SLC25A14: variants seen among roughly 807,000 people sequenced by gnomAD.
SLC25A14 encodes brain mitochondrial carrier protein 1.
Under a neutral mutation model 28.1 loss-of-function variants are expected in SLC25A14, and 8 were observed. That is an observed-to-expected ratio of 0.28 (90% CI 0.17 to 0.51). The LOEUF is 0.51. Ranked by LOEUF, SLC25A14 falls within the 20% of genes least tolerant of loss-of-function variation. The pLI is 0.97. For missense variants in SLC25A14, 135 were observed against 263.8 expected, an observed-to-expected ratio of 0.51 and a Z score of 3.38; for synonymous variants, 74 against 90.6, an observed-to-expected ratio of 0.82 and a Z score of 1.04.
chrX:130,365,610 G>A lies in SLC25A14; in HGVS notation c.789G>A (p.Met263Ile). Residue 263 changes from methionine (M) to isoleucine (I), a missense_variant, in exon 9 of 11, where the codon ATG (methionine) becomes ATA (isoleucine). By Grantham distance (10) the Met-to-Ile change is conservative (BLOSUM62 1). Transcript: ENST00000545805. ...CGGTTGATGTGGTTCGAACTCGCATGATGAACCAGAGGGCAATCGTGGGAC... is the reference window on the plus strand; with the variant it reads ...CGGTTGATGTGGTTCGAACTCGCATAATGAACCAGAGGGCAATCGTGGGAC... ...SNPVDVVRTR[M>I]MNQRAIVGHV... 1.7e-6 allele frequency: 2 copies of A among 1,211,545 alleles called. No individual in the cohort carries two copies. The highest frequency in any genetic ancestry group is 1.8e-5 in the South Asian group (1 of 56,963).
intron 2 of SLC25A14, among the ~76,000 whole-genome samples, chrX:130,343,580 T>TG (rs1319493600): frequency 9.0e-6 from 1 of 111,115 alleles, no homozygotes; most frequent in Non-Finnish European, 1.9e-5. Context: ...CTATCTTCTC[T>TG]GGAAAATTGT....
intron 7 of SLC25A14, among the ~76,000 whole-genome samples, chrX:130,361,100 A>G (rs1468805479): frequency 1.8e-5 from 2 of 112,541 alleles, no homozygotes; most frequent in African/African-American, 6.5e-5. Context: ...ATGTGGTAGC[A>G]TGTGTCAGAA....
At position 130,373,019 on chromosome X, in the gene SLC25A14, T is replaced by C. The variant is rs185255936; in HGVS notation, c.*69T>C. 61 of 853,842 alleles carry C rather than the reference T, an allele frequency of 7.1e-5. No individual in the cohort carries two copies. In the African/African-American group the frequency reaches 1.1e-3, roughly 16 times the overall value. The allele number at this position is 853,842 out of a possible 1,213,427, so 70.4% of individuals were successfully genotyped here. On this transcript the variant is annotated 3_prime_UTR_variant, in exon 11 of 11. Transcript: ENST00000545805. ...CCTTTGCCCTTTTCCCGTGTTCTAATGTATTTTGACAATGTTGTAAGTGTT... is the reference window on the plus strand; with the variant it reads ...CCTTTGCCCTTTTCCCGTGTTCTAACGTATTTTGACAATGTTGTAAGTGTT...
At chrX:130,364,904 A>G in intron 8 of SLC25A14, 152 bp downstream of exon 8, 2 of 1,031,745 alleles carry the variant, frequency 1.9e-6, no homozygotes, top group African/African-American at 1.9e-5. Flanking sequence ...CCTTATGAAC[A>G]CTTTATACTT....
chrX:130,355,058 A>T (rs2033748913), intron 6 of SLC25A14, among the ~76,000 whole-genome samples: 1 of 112,621 alleles, frequency 8.9e-6, no homozygotes, highest in Admixed American at 9.4e-5. Context: ...AAATGATAAC[A>T]AACTTATCTT....
In SLC25A14 at chrX:130,340,188, G is replaced by A; in HGVS notation, c.-91G>A. ...TGAACCCTGCTTCCTCGACCCCCCT[G>A]GGAGGCCGCCTTCTTCAGGCGCCTC... On this transcript the variant is annotated 5_prime_UTR_variant, in exon 2 of 11. Coordinates refer to ENST00000545805, the MANE Select transcript of SLC25A14 (RefSeq NM_001282195.2). 1 of 1,181,962 alleles carries A rather than the reference G, an allele frequency of 8.5e-7. No individual in the cohort carries two copies. The highest frequency in any genetic ancestry group is 1.9e-5 in the South Asian group (1 of 52,046).
chrX:130,357,611 A>G (rs1477331059), intron 6 of SLC25A14, among the ~76,000 whole-genome samples: 1 of 112,140 alleles, frequency 8.9e-6, no homozygotes, highest in Non-Finnish European at 1.9e-5. Flanking sequence ...GAAAACTCTT[A>G]GTAGTAACAG....
chrX:130,355,865 T>C (rs2124758220), intron 6 of SLC25A14, among the ~76,000 whole-genome samples: 1 of 112,255 alleles, frequency 8.9e-6, no homozygotes, highest in African/African-American at 3.2e-5. Flanking sequence ...TCCTTTAGAA[T>C]TCCCAAGTTT....
At chrX:130,362,964 C>G (rs1156573292) in intron 7 of SLC25A14, among the ~76,000 whole-genome samples, 1 of 112,389 alleles carries the variant, frequency 8.9e-6, no homozygotes, top group Admixed American at 9.4e-5. Context: ...CTCTTCTCCC[C>G]ACTGATTTTT....
intron 7 of SLC25A14, among the ~76,000 whole-genome samples, chrX:130,363,295 G>A (rs892263325): frequency 3.2e-4 from 36 of 112,176 alleles, no homozygotes; most frequent in Admixed American, 3.1e-3. Context: ...ATGGAATCAC[G>A]CAATATGTAG....
intron 2 of SLC25A14, among the ~76,000 whole-genome samples, 167 bp downstream of exon 2, chrX:130,340,520 C>T (rs2033219280): frequency 8.9e-6 from 1 of 111,825 alleles, no homozygotes; most frequent in Non-Finnish European, 1.9e-5. Context: ...GAATTAGTTT[C>T]TCAGACAGGA....
intron 6 of SLC25A14, among the ~76,000 whole-genome samples, chrX:130,351,505 ATTTCT>A (rs2033621729): frequency 8.9e-6 from 1 of 111,837 alleles, no homozygotes; most frequent in Non-Finnish European, 1.9e-5. Flanking sequence ...AGACTGAAAC[ATTTCT>A]TTTAATATAA....
intron 7 of SLC25A14, among the ~76,000 whole-genome samples, chrX:130,361,740 T>C (rs1484240418): frequency 8.9e-6 from 1 of 112,163 alleles, no homozygotes; most frequent in Non-Finnish European, 1.9e-5. Context: ...AGAGGACAGC[T>C]ACTCCTTAGC....
At chrX:130,350,001 T>A (rs2033575524) in intron 5 of SLC25A14, 2 of 111,893 alleles carry the variant, frequency 1.8e-5, no homozygotes, top group Admixed American at 9.5e-5. Flanking sequence ...CACTTGGGTT[T>A]ATTTAGTTTC....
chrX:130,370,834 G>T (rs910344779), intron 9 of SLC25A14, among the ~76,000 whole-genome samples: 3 of 112,215 alleles, frequency 2.7e-5, no homozygotes, highest in Admixed American at 9.5e-5. Context: ...GTTACCTATT[G>T]CTGTGTAACA....
chrX:130,371,756 C>T, intron 10 of SLC25A14, 112 bp downstream of exon 10: 1 of 510,376 alleles, frequency 2.0e-6, no homozygotes, highest in African/African-American at 2.3e-5. Context: ...ACTCAAGCAT[C>T]CCATTGGTGA....
chrX:130,372,286 C>G (rs1053265445), intron 10 of SLC25A14, among the ~76,000 whole-genome samples: 40 of 110,634 alleles, frequency 3.6e-4, no homozygotes, highest in Admixed American at 9.6e-5. Context: ...CACTGATGTT[C>G]TTGGTTACTG....
chrX:130,349,228 C>CT, intron 4 of SLC25A14, 23 bp from the exon 5 acceptor site: 1 of 1,046,663 alleles, frequency 9.6e-7, no homozygotes. Flanking sequence ...TTGAGAATAA[C>CT]TTTTTACTTT....
chrX:130,365,485 G>A (rs2124769955), intron 8 of SLC25A14, 56 bp from the exon 9 acceptor site: 1 of 1,201,279 alleles, frequency 8.3e-7, no homozygotes, highest in East Asian at 3.0e-5. Flanking sequence ...CCTAATTTCT[G>A]TTTAAGTGGG....
Sources: gnomAD v4.1 joint callset for allele counts (sites outside exome capture counted in the v4.1 genomes callset) on GRCh38, gnomAD v4.1.1 for gene constraint, MANE v1.5 for transcripts, NCBI Gene and HGNC (gene_info 2026-07-23, HGNC 2026-07-21) for gene names.